Variants in RFX2 observed in about 807,000 individuals in gnomAD.
RFX2 encodes DNA-binding protein RFX2.
Under a neutral mutation model 87.8 loss-of-function variants are expected in RFX2, and 20 were observed. That is an observed-to-expected ratio of 0.23 (90% confidence interval 0.16 to 0.33). RFX2 has a LOEUF of 0.33. Ranked by LOEUF, RFX2 falls within the 10% of genes least tolerant of loss-of-function variation. The pLI, the probability that RFX2 is intolerant of heterozygous loss-of-function variation, is 1.00. For synonymous variants in RFX2, 397 were observed against 431.3 expected (o/e 0.92, Z 0.98); for missense variants, 767 against 1,012.3 (o/e 0.76, Z 3.29).
At chr19:6,065,636 C>A (rs2087499262) in intron 1 of RFX2, among the ~76,000 whole-genome samples, 1 of 152,068 alleles carries the variant, frequency 6.6e-6, no homozygotes, top group Admixed American at 6.6e-5. Context: ...AAATGACATT[C>A]CATTATAAGT....
intron 1 of RFX2, among the ~76,000 whole-genome samples, chr19:6,107,616 CAAAAAA>C (rs1156483792): frequency 4.8e-4 from 15 of 31,554 alleles, no homozygotes; most frequent in African/African-American, 1.4e-3. Flanking sequence ...GACCCTGTCT[CAAAAAA>C]AAAAAAAAAA....
At chr19:6,073,211 C>T in intron 1 of RFX2, 1 of 539,004 alleles carries the variant, frequency 1.9e-6, no homozygotes, top group Non-Finnish European at 3.4e-6. Flanking sequence ...AACTCCTGAC[C>T]TCAGGTGATC....
chr19:6,098,336 A>G (rs1455673870), intron 1 of RFX2, among the ~76,000 whole-genome samples: 2 of 152,134 alleles, frequency 1.3e-5, no homozygotes, highest in African/African-American at 2.4e-5. Flanking sequence ...CATTGCGGGA[A>G]CTTGAGAAAT....
chr19:6,025,587 C>T (rs2086876505), intron 6 of RFX2, among the ~76,000 whole-genome samples: 1 of 152,110 alleles, frequency 6.6e-6, no homozygotes, highest in South Asian at 2.1e-4. Context: ...ATTTTACGTA[C>T]ATTAAATAAT....
rs527253392 is a variant in RFX2, at chr19:6,044,591, C to T, written c.91-309G>A. ...ACACACGTATGCACACACACATACA[C>T]GGAAGCACATGCACCTTCACCCGCC... On this transcript the variant is annotated intron_variant, in intron 2 of 17. Transcript: ENST00000303657. This position sits in a 1 kb window ranked among gnomAD's most constrained non-coding sequence, Gnocchi z 5.3. 4.6e-5 allele frequency among the ~76,000 whole-genome samples: 7 copies of T among 152,306 alleles called. No individual in the cohort carries two copies. In the East Asian group the frequency reaches 7.7e-4, roughly 17 times the overall value.
At position 6,016,075 on chromosome 19, in the gene RFX2, G is replaced by C; in HGVS notation, c.779+15C>G. On this transcript the variant is annotated intron_variant, in intron 7 of 17. Transcript: ENST00000303657. The surrounding 1 kb of genome is among the most constrained non-coding windows in gnomAD (Gnocchi z 5.4). ...GGAAGAGGAAGAACAGGTGGGCTGG[G>C]GATCGTCTACCCACCTGGTGCCCAG... 2 of 1,576,074 alleles carry C rather than the reference G, an allele frequency of 1.3e-6. No homozygotes were observed. Among genetic ancestry groups the C allele is most frequent in the Non-Finnish European group, 1.7e-6 (2 of 1,157,942 alleles).
intron 1 of RFX2, among the ~76,000 whole-genome samples, chr19:6,060,730 C>T (rs142694339): frequency 2.6e-5 from 4 of 152,164 alleles, no homozygotes; most frequent in Non-Finnish European, 5.9e-5. Flanking sequence ...TGTCCTCCCT[C>T]GTGTCTGGGT....
intron 1 of RFX2, among the ~76,000 whole-genome samples, chr19:6,096,584 C>T (rs2088030308): frequency 6.6e-6 from 1 of 152,032 alleles, no homozygotes; most frequent in African/African-American, 2.4e-5. Flanking sequence ...GTAGCTGGGA[C>T]TACAGGCGCC....
Position 5,998,362 on chromosome 19 carries a change from A to T in RFX2, c.1860-1149T>A, listed in dbSNP as rs1433458060. Among the ~76,000 whole-genome samples the T allele has an allele frequency of 6.6e-6, 1 of 152,152 alleles. No individual in the cohort carries two copies. Among genetic ancestry groups the T allele is most frequent in the Non-Finnish European group, 1.5e-5 (1 of 68,028 alleles). On this transcript the variant is annotated intron_variant, in intron 15 of 17. Coordinates refer to ENST00000303657, the MANE Select transcript of RFX2 (RefSeq NM_000635.4). This position sits in a 1 kb window ranked among gnomAD's most constrained non-coding sequence, Gnocchi z 4.2. ...TCAGTCCTCCTATAAGACCTAAAGG[A>T]CTTATATACAGTGGCACCTGATTAA... is the stretch of plus-strand genomic sequence containing the variant.
intron 3 of RFX2, among the ~76,000 whole-genome samples, chr19:6,042,546 T>C (rs1040037162): frequency 6.6e-6 from 1 of 152,146 alleles, no homozygotes; most frequent in African/African-American, 2.4e-5. Flanking sequence ...GGTCTCCCTC[T>C]GTAGCTCAAG....
intron 1 of RFX2, among the ~76,000 whole-genome samples, chr19:6,092,019 G>T (rs915510284): frequency 2.6e-5 from 4 of 152,172 alleles, no homozygotes; most frequent in Admixed American, 1.3e-4. Flanking sequence ...ATCCGGGAGT[G>T]GGGGGAGGAA....
rs920147782 is a variant in RFX2 at position 6,061,206 on chromosome 19, G to A, written c.-8-13702C>T. Among the ~76,000 whole-genome samples, 3 of 152,038 alleles carry A rather than the reference G, an allele frequency of 2.0e-5. No homozygotes were observed. The highest frequency in any genetic ancestry group is 1.5e-5 in the Non-Finnish European group (1 of 68,004). The stretch of plus-strand genomic sequence containing the variant: ...TCTCCTACCTGGAACCACCACATCC[G>A]CCTCCTAATTGGTCTCCCTGCTTCC... On this transcript the variant is annotated intron_variant, in intron 1 of 17. Coordinates refer to ENST00000303657, the MANE Select transcript of RFX2 (RefSeq NM_000635.4). The surrounding 1 kb of genome is among the most constrained non-coding windows in gnomAD (Gnocchi z 5.2).
intron 1 of RFX2, among the ~76,000 whole-genome samples, chr19:6,078,926 C>A (rs1333569353): frequency 1.3e-5 from 2 of 152,202 alleles, no homozygotes; most frequent in Non-Finnish European, 2.9e-5. Context: ...CAGGCACATG[C>A]CACCATGCCC....
Position 6,026,032 on chromosome 19 carries a change from G to A in RFX2, c.597+131C>T, listed in dbSNP as rs946799698. ...ACTCCTGACTTCAAGTGATCCACCCGCCTTGGCCTCCCAAAGTGCTGGGAT... is the reference window on the plus strand; with the variant it reads ...ACTCCTGACTTCAAGTGATCCACCCACCTTGGCCTCCCAAAGTGCTGGGAT... On this transcript the variant is annotated intron_variant, in intron 6 of 17. Coordinates refer to ENST00000303657, the MANE Select transcript of RFX2 (RefSeq NM_000635.4). The surrounding 1 kb of genome is among the most constrained non-coding windows in gnomAD (Gnocchi z 4.5). 2.1e-5 allele frequency: 15 copies of A among 703,884 alleles called. No homozygotes were observed. The highest frequency in any genetic ancestry group is 7.6e-5 in the Admixed American group (3 of 39,628). The allele number at this position is 703,884 out of a possible 1,614,324, so 43.6% of individuals were successfully genotyped here.
At chr19:6,075,045 A>G (rs922668707) in intron 1 of RFX2, among the ~76,000 whole-genome samples, 6 of 152,020 alleles carry the variant, frequency 3.9e-5, no homozygotes, top group African/African-American at 1.4e-4. Flanking sequence ...GCTTCCCACC[A>G]TGTGATGTGA....
chr19:6,003,258 T>C (rs1189706700), intron 13 of RFX2, among the ~76,000 whole-genome samples: 1 of 152,052 alleles, frequency 6.6e-6, no homozygotes, highest in African/African-American at 2.4e-5. Flanking sequence ...AGATGGGGTC[T>C]TGCTTGTTGT....
chr19:6,014,402 A>G (rs1177507947), intron 7 of RFX2, among the ~76,000 whole-genome samples: 1 of 151,840 alleles, frequency 6.6e-6, no homozygotes, highest in Non-Finnish European at 1.5e-5. Context: ...ATGCCTGGCT[A>G]ATTTTTTTGT....
chr19:6,027,618 G>A lies in RFX2; in HGVS notation c.523-1381C>T, dbSNP rs1171811316. ...TGGAAGTCTGCCCTAATCTCAGGGG[G>A]CCTTGTCCAGTGCCCAGCAGACTGG... is the stretch of plus-strand genomic sequence containing the variant. On this transcript the variant is annotated intron_variant, in intron 5 of 17. Transcript: ENST00000303657. This position sits in a 1 kb window ranked among gnomAD's most constrained non-coding sequence, Gnocchi z 5.0. Among the ~76,000 whole-genome samples the A allele has an allele frequency of 1.3e-5, 2 of 152,212 alleles. No homozygotes were observed. The highest frequency in any genetic ancestry group is 3.8e-4 in the East Asian group (2 of 5,196).
chr19:5,995,055 C>T (rs988860247), intron 17 of RFX2, 105 bp from the exon 18 acceptor site: 4 of 877,220 alleles, frequency 4.6e-6, no homozygotes, highest in East Asian at 2.6e-5. Context: ...GGCAGGGCAC[C>T]GAGGATACAT....
Sources: allele counts gnomAD v4.1 joint callset (sites outside exome capture counted in the v4.1 genomes callset), GRCh38; gene constraint gnomAD v4.1.1; non-coding constraint Gnocchi (gnomAD v3.1); transcripts MANE v1.5; gene names NCBI Gene and HGNC (gene_info 2026-07-23, HGNC 2026-07-21).